PLCB3: variants seen among roughly 807,000 people sequenced by gnomAD.
The protein encoded by PLCB3 is 1-phosphatidylinositol 4,5-bisphosphate phosphodiesterase beta-3.
In PLCB3, 54 loss-of-function variants were observed where a neutral mutation model predicts 152.1. That is an observed-to-expected ratio of 0.36 (90% CI 0.29 to 0.45). The LOEUF is 0.45. Among genes scored for constraint, PLCB3 ranks in the 20% least tolerant of loss-of-function variants. The probability of loss-of-function intolerance (pLI) is 1.00; values close to 1 mark genes in which losing one functional copy is unlikely to be tolerated. For missense variants in PLCB3, 1,248 were observed against 1,687.5 expected, an observed-to-expected ratio of 0.74 and a Z score of 4.56; for synonymous variants, 717 against 698.7, an observed-to-expected ratio of 1.03 and a Z score of -0.41.
Position 64,264,144 on chromosome 11 carries a change from CTG to C in PLCB3, c.2652+35_2652+36del, listed in dbSNP as rs762310536. On this transcript the variant is annotated intron_variant, in intron 22 of 30. Transcript: ENST00000279230. ...CGGGGCAGGGCAGGGCTCAGGCTCA[CTG>C]TGACCCAGGGGGCCGCTGGACATGA... 3 of 1,440,532 alleles carry C rather than the reference CTG, an allele frequency of 2.1e-6. No individual in the cohort carries two copies. In the South Asian group the frequency reaches 4.2e-5, roughly 20 times the overall value. 89.2% of individuals were successfully genotyped at this position (1,440,532 alleles called of 1,614,324 possible). A position where few individuals can be genotyped will look rare whatever the true frequency, so the allele number is the denominator to read the frequency against.
chr11:64,267,503 G>C lies in PLCB3; in HGVS notation c.3652G>C (p.Gly1218Arg). 6.4e-7 allele frequency: 1 copy of C among 1,570,526 alleles called. No individual in the cohort carries two copies. Among genetic ancestry groups the C allele is most frequent in the Non-Finnish European group, 8.6e-7 (1 of 1,162,276 alleles). ...ASNGHAPGSS[G>R]HLSGADSESQ... Reference sequence around the variant, plus strand: ...CAACGGTCACGCACCCGGGAGCAGCGGGCACCTGTCGGGCGCTGACTCGGA... The same window carrying C: ...CAACGGTCACGCACCCGGGAGCAGCCGGCACCTGTCGGGCGCTGACTCGGA... Residue 1218 changes from glycine to arginine, a missense_variant, in exon 31 of 31, where the codon GGG becomes CGG. Gly to Arg is a moderately radical substitution (Grantham distance 125, BLOSUM62 -2). Coordinates refer to ENST00000279230, the MANE Select transcript of PLCB3 (RefSeq NM_000932.5). The surrounding 1 kb of genome is among the most constrained non-coding windows in gnomAD (Gnocchi z 5.2).
At chr11:64,254,159 G>A (rs1241637638) in intron 1 of PLCB3, among the ~76,000 whole-genome samples, 1 of 152,124 alleles carries the variant, frequency 6.6e-6, no homozygotes, top group South Asian at 2.1e-4. Flanking sequence ...CCTGGGAAAG[G>A]TCAGGTAGAA....
At position 64,265,495 on chromosome 11, in the gene PLCB3, G is replaced by C; in HGVS notation, c.3028G>C (p.Gly1010Arg). ...QAEGRCRLRPGALGGAADVED... is the reference protein window; with the variant it reads ...QAEGRCRLRPRALGGAADVED... ...TGAGGGCAGGTGCCGGCTGCGGCCA[G>C]GTGCCCTGTGAGTGTCTGGGCCGCC... The change falls in exon 25 of 31, where the codon GGT becomes CGT. Residue 1010 changes from glycine (G) to arginine (R), a missense_variant. By Grantham distance (125) the Gly-to-Arg change is moderately radical. Transcript: ENST00000279230. 6.3e-7 allele frequency: 1 copy of C among 1,598,878 alleles called. No individual in the cohort carries two copies. The highest frequency in any genetic ancestry group is 1.1e-5 in the South Asian group (1 of 90,538).
chr11:64,256,792 T>A, intron 10 of PLCB3, 28 bp downstream of exon 10: 1 of 1,609,880 alleles, frequency 6.2e-7, no homozygotes, highest in African/African-American at 1.3e-5. Context: ...GTGGCACCCG[T>A]GACCTCTGCC....
rs745954606 is a variant in PLCB3, at chr11:64,256,479, C to G, written c.802C>G (p.Arg268Gly). The G allele has an allele frequency of 6.2e-7, 1 of 1,613,746 alleles. No homozygotes were observed. The highest frequency in any genetic ancestry group is 1.3e-5 in the African/African-American group (1 of 74,924). ...CAACGAAGTGCTGTACCCGCCCCTG[C>G]GGCCCTCCCAGGCCCGGCTGCTCAT... ...RLNEVLYPPL[R>G]PSQARLLIEK... Residue 268 changes from arginine (R) to glycine (G), a missense_variant, in exon 9 of 31, where the codon CGG becomes GGG. Coordinates refer to ENST00000279230, the MANE Select transcript of PLCB3 (RefSeq NM_000932.5).
Position 64,262,442 on chromosome 11 carries a change from T to A in PLCB3, c.2074T>A (p.Tyr692Asn), listed in dbSNP as rs1264309392. ...GCAGCTCAACGCGGGCGTTTTTGAG[T>A]ACAACGGGCGCAGCGGGTACCTGCT... ...AMQLNAGVFE[Y>N]NGRSGYLLKP... The change falls in exon 18 of 31, where the codon TAC (tyrosine) becomes AAC (asparagine). Residue 692 changes from tyrosine (Y) to asparagine (N), a missense_variant. By Grantham distance (143) the Tyr-to-Asn change is moderately radical. Transcript: ENST00000279230. The A allele has an allele frequency of 8.7e-6, 14 of 1,613,566 alleles. No individual in the cohort carries two copies. Among genetic ancestry groups the A allele is most frequent in the African/African-American group, 1.3e-5 (1 of 74,926 alleles).
rs2031505109 is a variant in PLCB3, at chr11:64,255,906, G to A, written c.698+85G>A. On this transcript the variant is annotated intron_variant, in intron 8 of 30. Transcript: ENST00000279230. The surrounding 1 kb of genome is among the most constrained non-coding windows in gnomAD (Gnocchi z 6.8). ...TGCCTCTAGCTCAATGGGGAGAGGGGAAACTGGTGGGCCGGGTCCTGGAGC... is the reference window on the plus strand; with the variant it reads ...TGCCTCTAGCTCAATGGGGAGAGGGAAAACTGGTGGGCCGGGTCCTGGAGC... 5.6e-6 allele frequency: 6 copies of A among 1,064,826 alleles called. No homozygotes were observed. Among genetic ancestry groups the A allele is most frequent in the Admixed American group, 1.7e-5 (1 of 58,490 alleles). 66.0% of individuals were successfully genotyped at this position (1,064,826 alleles called of 1,614,324 possible).
In PLCB3 at chr11:64,267,098, C is replaced by G; in HGVS notation, c.3415-87C>G. ...TGTGAGCCACTGCACCCGGCCTCGC[C>G]CACCTGACTTCTATACCCAGCCAGA... On this transcript the variant is annotated intron_variant, in intron 29 of 30. Transcript: ENST00000279230. The surrounding 1 kb of genome is among the most constrained non-coding windows in gnomAD (Gnocchi z 5.2). 8.1e-7 allele frequency: 1 copy of G among 1,230,350 alleles called. No homozygotes were observed. The highest frequency in any genetic ancestry group is 1.3e-5 in the South Asian group (1 of 77,204). 76.2% of individuals were successfully genotyped at this position (1,230,350 alleles called of 1,614,324 possible). A position where few individuals can be genotyped will look rare whatever the true frequency, so the allele number is the denominator to read the frequency against.
chr11:64,262,960 G>T, intron 19 of PLCB3, 152 bp downstream of exon 19: 1 of 746,636 alleles, frequency 1.3e-6, no homozygotes, highest in Non-Finnish European at 2.2e-6. Context: ...CTGCCTGTCC[G>T]AGCGTCAGTC....
rs1482211858 is a variant in PLCB3, at chr11:64,266,860, C to A, written c.3414+308C>A. On this transcript the variant is annotated intron_variant, in intron 29 of 30. Coordinates refer to ENST00000279230, the MANE Select transcript of PLCB3 (RefSeq NM_000932.5). This position sits in a 1 kb window ranked among gnomAD's most constrained non-coding sequence, Gnocchi z 4.9. ...TGTCGCCCAGGCTGGAGTGCAGTGG[C>A]GCGATCTTGGCTCACTGCAACCTCT... 1.2e-4 allele frequency among the ~76,000 whole-genome samples: 18 copies of A among 152,066 alleles called. No individual in the cohort carries two copies. Among genetic ancestry groups the A allele is most frequent in the Admixed American group, 1.2e-3 (18 of 15,276 alleles).
intron 22 of PLCB3, 65 bp from the exon 23 acceptor site, chr11:64,264,886 T>C (rs989509360): frequency 6.5e-7 from 1 of 1,526,902 alleles, no homozygotes; most frequent in African/African-American, 1.4e-5. Flanking sequence ...CAGGAGGTGG[T>C]AGAGGACAGA....
intron 10 of PLCB3, 152 bp downstream of exon 10, chr11:64,256,916 A>G: frequency 1.3e-6 from 1 of 782,414 alleles, no homozygotes; most frequent in Non-Finnish European, 2.0e-6. Context: ...AGCCCTGAGC[A>G]GTGGGGCCTC....
chr11:64,260,281 C>A (rs1460422203), intron 14 of PLCB3, 47 bp downstream of exon 14: 9 of 1,384,424 alleles, frequency 6.5e-6, no homozygotes, highest in Non-Finnish European at 8.9e-6. Flanking sequence ...ATCTATTTAC[C>A]TCCCAGGGGG....
Position 64,255,858 on chromosome 11 carries a change from C to T in PLCB3, c.698+37C>T, listed in dbSNP as rs753060754. On this transcript the variant is annotated intron_variant, in intron 8 of 30. Transcript: ENST00000279230. The surrounding 1 kb of genome is among the most constrained non-coding windows in gnomAD (Gnocchi z 6.8). ...CGGCCTGCCTCACAACCCCTGTGCT[C>T]TGTGTTTAGCTTCTGCTTAGCGTGC... 2.1e-6 allele frequency: 3 copies of T among 1,420,910 alleles called. No homozygotes were observed. The highest frequency in any genetic ancestry group is 3.3e-5 in the Admixed American group (2 of 59,766). 88.0% of individuals were successfully genotyped at this position (1,420,910 alleles called of 1,614,324 possible). A position where few individuals can be genotyped will look rare whatever the true frequency, so the allele number is the denominator to read the frequency against.
rs755175580 is a variant in PLCB3 at position 64,254,765 on chromosome 11, C to G, written c.195C>G (p.Asp65Glu). The change falls in exon 3 of 31, where the codon GAC becomes GAG. Residue 65 changes from aspartate (D) to glutamate (E), a missense_variant. Asp to Glu is a conservative substitution (Grantham distance 45). Coordinates refer to ENST00000279230, the MANE Select transcript of PLCB3 (RefSeq NM_000932.5). Reference protein sequence around the residue: ...TGPNMEVDTLDISSIRDTRTG... With the variant: ...TGPNMEVDTLEISSIRDTRTG... ...CCCCCCAGGAGGTGGACACACTGGA[C>G]ATCAGTTCCATCAGGGACACACGGA... 4 of 1,613,266 alleles carry G rather than the reference C, an allele frequency of 2.5e-6. No individual in the cohort carries two copies. Among genetic ancestry groups the G allele is most frequent in the Non-Finnish European group, 3.4e-6 (4 of 1,179,918 alleles).
rs745706321 is a variant in PLCB3 at position 64,266,164 on chromosome 11, C to T, written c.3228C>T (p.Asn1076=). 2 of 1,613,970 alleles carry T rather than the reference C, an allele frequency of 1.2e-6. No individual in the cohort carries two copies. The highest frequency in any genetic ancestry group is 1.7e-6 in the Non-Finnish European group (2 of 1,180,026). The change falls in exon 27 of 31, where the codon AAC becomes AAT. Residue 1076 remains asparagine, a synonymous_variant. Transcript: ENST00000279230. This position sits in a 1 kb window ranked among gnomAD's most constrained non-coding sequence, Gnocchi z 4.9. ...QRLREVVLDA[N]TTQFKRLKEM... ...TCAGGGAGGTCGTCCTTGATGCAAA[C>T]ACAACTCAGTTCAAGAGGCTGAAAG...
In PLCB3 at chr11:64,261,610, T is replaced by A. The variant is rs1418743509; in HGVS notation, c.1858T>A (p.Phe620Ile). The A allele has an allele frequency of 6.2e-7, 1 of 1,614,192 alleles. No individual in the cohort carries two copies. Among genetic ancestry groups the A allele is most frequent in the South Asian group, 1.1e-5 (1 of 91,090 alleles). ...GAACAAATGCTTCGAGATGTCGTCC[T>A]TTGTGGAGACCAAGGCCATGGAGCA... ...KRNKCFEMSS[F>I]VETKAMEQLT... is the part of the protein sequence containing the mutation. Residue 620 changes from phenylalanine to isoleucine, a missense_variant, in exon 16 of 31, where the codon TTT becomes ATT. Physicochemically the swap from Phe to Ile is conservative, Grantham distance 21. Coordinates refer to ENST00000279230, the MANE Select transcript of PLCB3 (RefSeq NM_000932.5).
chr11:64,261,671 C>T lies in PLCB3; in HGVS notation c.1913+6C>T. ...AGCCCCATGGAGTTTGTGGAGTATCCTTTGAAGGTGCTGTGGGCGGGCAGG... is the reference window on the plus strand; with the variant it reads ...AGCCCCATGGAGTTTGTGGAGTATCTTTTGAAGGTGCTGTGGGCGGGCAGG... On this transcript the variant is annotated splice_donor_region_variant and intron_variant, in intron 16 of 30. Coordinates refer to ENST00000279230, the MANE Select transcript of PLCB3 (RefSeq NM_000932.5). The T allele has an allele frequency of 6.2e-7, 1 of 1,612,050 alleles. No homozygotes were observed. Among genetic ancestry groups the T allele is most frequent in the South Asian group, 1.1e-5 (1 of 91,038 alleles).
At chr11:64,260,427 T>G (rs1282509143) in intron 14 of PLCB3, among the ~76,000 whole-genome samples, 193 bp downstream of exon 14, 1 of 151,968 alleles carries the variant, frequency 6.6e-6, no homozygotes, top group Non-Finnish European at 1.5e-5. Flanking sequence ...TGATGTGGCC[T>G]GGGAGGTGCG....
Sources: gnomAD v4.1 joint callset for allele counts (sites outside exome capture counted in the v4.1 genomes callset) on GRCh38, gnomAD v4.1.1 for gene constraint, Gnocchi (gnomAD v3.1) non-coding constraint, MANE v1.5 for transcripts, NCBI Gene and HGNC (gene_info 2026-07-23, HGNC 2026-07-21) for gene names.